AP3D1: variants seen among roughly 807,000 people sequenced by gnomAD.
AP3D1 encodes adaptor related protein complex 3 subunit delta 1.
In AP3D1, 51 loss-of-function variants were observed where a neutral mutation model predicts 147.6. That is an observed-to-expected ratio of 0.35 (90% confidence interval 0.28 to 0.44). AP3D1 has a LOEUF of 0.44. Ranked by LOEUF, AP3D1 falls within the 20% of genes least tolerant of loss-of-function variation. The pLI, the probability that AP3D1 is intolerant of heterozygous loss-of-function variation, is 1.00. For missense variants in AP3D1, 1,421 were observed against 1,624.2 expected (o/e 0.87, Z 2.15); for synonymous variants, 760 against 663.0 (o/e 1.15, Z -2.25).
chr19:2,142,012 A>G (rs1039823126), intron 1 of AP3D1, among the ~76,000 whole-genome samples: 3 of 147,546 alleles, frequency 2.0e-5, no homozygotes, highest in Admixed American at 6.7e-5. Context: ...ATATATGTTT[A>G]TTTATATATA....
chr19:2,158,267 A>G (rs2019665166), intron 1 of AP3D1, among the ~76,000 whole-genome samples: 1 of 151,770 alleles, frequency 6.6e-6, no homozygotes, highest in South Asian at 2.1e-4. Context: ...CACATTAGCC[A>G]GGATGGTCTC....
At chr19:2,112,178 C>A (rs551719381) in intron 24 of AP3D1, 3 of 313,826 alleles carry the variant, frequency 9.6e-6, no homozygotes, top group African/African-American at 4.2e-5. Flanking sequence ...ACGCGCACTG[C>A]GCAGATGTTC....
intron 1 of AP3D1, among the ~76,000 whole-genome samples, chr19:2,163,482 G>A (rs116973971): frequency 0.04 from 5,799 of 143,418 alleles, 196 homozygotes; most frequent in East Asian, 0.14. Flanking sequence ...GTGAATCACC[G>A]CGCCTGGCCT....
chr19:2,123,945 C>A, intron 9 of AP3D1, 66 bp from the exon 10 acceptor site: 2 of 1,512,272 alleles, frequency 1.3e-6, no homozygotes, highest in South Asian at 2.4e-5. Flanking sequence ...CAACTCAGGG[C>A]CACGGGGCAC....
upstream of AP3D1, among the ~76,000 whole-genome samples, chr19:2,155,877 A>C (rs1461441264): frequency 5.3e-5 from 8 of 151,566 alleles, no homozygotes; most frequent in East Asian, 3.9e-4. Flanking sequence ...ACGGTGAAAC[A>C]CCATCTCTAC....
chr19:2,157,617 C>A (rs1230654172), intron 1 of AP3D1, among the ~76,000 whole-genome samples: 1 of 150,438 alleles, frequency 6.6e-6, no homozygotes. Flanking sequence ...ACCCACTAAC[C>A]CATCCACCCA....
chr19:2,131,057 AGT>A (rs1164609242), intron 5 of AP3D1, among the ~76,000 whole-genome samples: 3 of 152,240 alleles, frequency 2.0e-5, no homozygotes, highest in Non-Finnish European at 4.4e-5. Context: ...GCCAGCAGTC[AGT>A]GTTTTCAGCT....
At chr19:2,106,745 G>A (rs938448688) in intron 31 of AP3D1, among the ~76,000 whole-genome samples, 1 of 152,128 alleles carries the variant, frequency 6.6e-6, no homozygotes, top group Non-Finnish European at 1.5e-5. Context: ...TCCTGACAGA[G>A]GCTGCGATGT....
Position 2,137,051 on chromosome 19 carries a change from C to A in AP3D1, c.314G>T (p.Gly105Val). 1.3e-6 allele frequency: 2 copies of A among 1,596,674 alleles called. No homozygotes were observed. Residue 105 changes from glycine (G) to valine (V), a missense_variant, in exon 4 of 32, where the codon GGC becomes GTC. Physicochemically the swap from Gly to Val is moderately radical, Grantham distance 109. This residue lies in a region of AP3D1 where 292 missense variants were observed against 412.0 expected (regional missense o/e 0.71). Coordinates refer to ENST00000643116, the MANE Select transcript of AP3D1 (RefSeq NM_001261826.3). ...GGTGGTCAGCATGATGACGTCGGTG[C>A]CTTCGTGAAAGCTCTGGGAAGCAGC... Reference protein sequence around the residue: ...YLAASQSFHEGTDVIMLTTNQ... With the variant: ...YLAASQSFHEVTDVIMLTTNQ...
chr19:2,116,651 C>G lies in AP3D1; in HGVS notation c.1955G>C (p.Arg652Pro). The change falls in exon 17 of 32, where the codon CGT becomes CCT. Residue 652 changes from arginine to proline, a missense_variant. Around this residue, in one of 6 missense-constraint regions of AP3D1, gnomAD observed 791 missense variants for 761.4 expected, o/e 1.04. Transcript: ENST00000643116. ...RAVFHEEEQR[R>P]PKHRPSEADE... ...CGCCTCCGACGGCCGGTGCTTGGGA[C>G]GCCGCTGCTCCTCCTCGTGGAAGAC... 6.2e-7 allele frequency: 1 copy of G among 1,604,386 alleles called. No homozygotes were observed. The highest frequency in any genetic ancestry group is 8.5e-7 in the Non-Finnish European group (1 of 1,175,856).
At chr19:2,147,245 T>C (rs2019380359) in intron 1 of AP3D1, among the ~76,000 whole-genome samples, 1 of 149,792 alleles carries the variant, frequency 6.7e-6, no homozygotes, top group Non-Finnish European at 1.5e-5. Context: ...CTAGGGAGGC[T>C]GAGGCAGGAG....
At chr19:2,134,432 A>AT (rs397972194) in intron 4 of AP3D1, among the ~76,000 whole-genome samples, 5 of 151,306 alleles carry the variant, frequency 3.3e-5, no homozygotes, top group Non-Finnish European at 7.4e-5. Flanking sequence ...AAAAAAAAAA[A>AT]GTAAGAAAAT....
rs376880565 is a variant in AP3D1, at chr19:2,115,524, C to G, written c.2149+14G>C. On this transcript the variant is annotated intron_variant, in intron 19 of 31. Transcript: ENST00000643116. Reference sequence around the variant, plus strand: ...ATGTGACAAATGCGGCGCCGACACACCGGAGACACTTGCCTGGAACCTTCA... The same window carrying G: ...ATGTGACAAATGCGGCGCCGACACAGCGGAGACACTTGCCTGGAACCTTCA... 1.2e-6 allele frequency: 2 copies of G among 1,612,650 alleles called. No individual in the cohort carries two copies. Among genetic ancestry groups the G allele is most frequent in the Non-Finnish European group, 1.7e-6 (2 of 1,179,552 alleles).
intron 15 of AP3D1, 74 bp from the exon 16 acceptor site, chr19:2,117,441 G>T: frequency 6.8e-7 from 1 of 1,462,774 alleles, no homozygotes; most frequent in South Asian, 1.4e-5. Flanking sequence ...ACACGGGGTG[G>T]CTCAGCCCCT....
chr19:2,158,259 C>T (rs1389853859), intron 1 of AP3D1, among the ~76,000 whole-genome samples: 43 of 151,846 alleles, frequency 2.8e-4, no homozygotes, highest in Non-Finnish European at 4.7e-4. Context: ...GGTTTCACCA[C>T]ATTAGCCAGG....
At chr19:2,127,488 G>A (rs1328510231) in intron 8 of AP3D1, among the ~76,000 whole-genome samples, 3 of 150,054 alleles carry the variant, frequency 2.0e-5, no homozygotes, top group Admixed American at 1.3e-4. Context: ...TGGCAATACC[G>A]CCTTCCTACT....
chr19:2,130,641 G>A (rs543433255), intron 5 of AP3D1, 104 bp from the exon 6 acceptor site: 76 of 1,533,020 alleles, frequency 5.0e-5, no homozygotes, highest in Middle Eastern at 2.2e-4. Flanking sequence ...CCTCCAGCCC[G>A]ACGCTGTGGC....
At chr19:2,147,957 G>A (rs2019404514) in intron 1 of AP3D1, among the ~76,000 whole-genome samples, 1 of 151,910 alleles carries the variant, frequency 6.6e-6, no homozygotes, top group Non-Finnish European at 1.5e-5. Context: ...GCCGAGGCGG[G>A]AGGATCACGA....
rs377278024 is a variant in AP3D1 at position 2,114,829 on chromosome 19, G to A, written c.2350-8C>T. 3 of 1,613,814 alleles carry A rather than the reference G, an allele frequency of 1.9e-6. No homozygotes were observed. In the African/African-American group the frequency reaches 4.0e-5, roughly 22 times the overall value. ...GTCGCTGGGCAGAGCATTCTGACAGGAAGAGAGGAACCCCATCACTGGAAC... is the reference window on the plus strand; with the variant it reads ...GTCGCTGGGCAGAGCATTCTGACAGAAAGAGAGGAACCCCATCACTGGAAC... On this transcript the variant is annotated splice_region_variant and splice_polypyrimidine_tract_variant and intron_variant, in intron 20 of 31. Coordinates refer to ENST00000643116, the MANE Select transcript of AP3D1 (RefSeq NM_001261826.3).
Sources: allele counts gnomAD v4.1 joint callset (sites outside exome capture counted in the v4.1 genomes callset), GRCh38; gene constraint gnomAD v4.1.1; regional missense constraint gnomAD v4.1.1; transcripts MANE v1.5; gene names NCBI Gene and HGNC (gene_info 2026-07-23, HGNC 2026-07-21).